OTUD4: variants seen among roughly 807,000 people sequenced by gnomAD.
OTUD4 encodes the protein OTU domain-containing protein 4.
A neutral mutation model predicts 130.4 loss-of-function variants in OTUD4; 24 were observed. The observed-to-expected ratio is 0.18, with a 90% CI of 0.13 to 0.26. The LOEUF (loss-of-function observed/expected upper bound fraction) is 0.26. Ranked by LOEUF, OTUD4 falls within the 10% of genes least tolerant of loss-of-function variation. OTUD4 has a pLI of 1.00. For missense variants in OTUD4, 1,031 were observed against 1,329.4 expected, an observed-to-expected ratio of 0.78 and a Z score of 3.49; for synonymous variants, 420 against 472.5, an observed-to-expected ratio of 0.89 and a Z score of 1.44.
intron 13 of OTUD4, 117 bp from the exon 14 acceptor site, chr4:145,146,546 G>C: frequency 1.7e-6 from 1 of 591,880 alleles, no homozygotes; most frequent in Non-Finnish European, 2.6e-6. Context: ...AAAATAAAAT[G>C]ATCTATTTTG....
rs780940354 is a variant in OTUD4, at chr4:145,146,371, A to C, written c.1318T>G (p.Phe440Val). 1.3e-6 allele frequency: 2 copies of C among 1,592,300 alleles called. No homozygotes were observed. The highest frequency in any genetic ancestry group is 2.3e-5 in the South Asian group (2 of 86,664). The change falls in exon 14 of 21, where the codon TTC (phenylalanine) becomes GTC (valine). Residue 440 changes from phenylalanine (F) to valine (V), a missense_variant. Transcript: ENST00000447906. Reference protein sequence around the residue: ...FDHTSRESNYFGLSPEERREK... With the variant: ...FDHTSRESNYVGLSPEERREK... ...CTGCGCTCTTCTGGGGAAAGGCCGA[A>C]ATAGTTAGATTCTCGACTTGTGTGA...
At chr4:145,143,854 C>T (rs9991890) in intron 16 of OTUD4, 92 bp downstream of exon 16, 933,922 of 936,980 alleles carry the variant, frequency 1, 465,492 homozygotes, top group East Asian at 1. Flanking sequence ...TATAAAATTT[C>T]GAAATTATTT....
intron 6 of OTUD4, among the ~76,000 whole-genome samples, chr4:145,160,986 T>C (rs921702137): frequency 3.3e-5 from 5 of 152,062 alleles, no homozygotes; most frequent in Non-Finnish European, 7.4e-5. Context: ...GGCGGGCATC[T>C]GTAATCCAAG....
intron 7 of OTUD4, chr4:145,159,231 T>C (rs1429005690): frequency 9.7e-6 from 12 of 1,231,420 alleles, no homozygotes; most frequent in Middle Eastern, 3.4e-4. Context: ...CACATATAGG[T>C]AGGACCAAAT....
rs1446533111 is a variant in OTUD4, at chr4:145,134,589, C to G, written c.*2841G>C. ...ACAGTCTGCATTAAATAAGATATATCAGCATTGTGGTCTGGGAAAACCTAT... is the reference window on the plus strand; with the variant it reads ...ACAGTCTGCATTAAATAAGATATATGAGCATTGTGGTCTGGGAAAACCTAT... On this transcript the variant is annotated 3_prime_UTR_variant, in exon 21 of 21. Transcript: ENST00000447906. 2 of 397,438 alleles carry G rather than the reference C, an allele frequency of 5.0e-6. No individual in the cohort carries two copies. The highest frequency in any genetic ancestry group is 4.1e-5 in the African/African-American group (2 of 48,576). 24.6% of individuals were successfully genotyped at this position (397,438 alleles called of 1,614,324 possible). A position where few individuals can be genotyped will look rare whatever the true frequency, so the allele number is the denominator to read the frequency against.
intron 19 of OTUD4, among the ~76,000 whole-genome samples, 186 bp downstream of exon 19, chr4:145,141,193 T>G (rs1219043066): frequency 6.7e-6 from 1 of 149,638 alleles, no homozygotes; most frequent in Non-Finnish European, 1.5e-5. Flanking sequence ...AAAAAAATTA[T>G]AATACATTTT....
At position 145,180,007 on chromosome 4, in the gene OTUD4, G is replaced by A; in HGVS notation, c.-34C>T. The stretch of plus-strand genomic sequence containing the variant: ...TCCTGCTGCAGGCCAGGCGCGGCGA[G>A]GGCTAGCCCCACATGGCCAGGCCGC... On this transcript the variant is annotated 5_prime_UTR_variant, in exon 1 of 21. Coordinates refer to ENST00000447906, the MANE Select transcript of OTUD4 (RefSeq NM_001366057.1). The A allele has an allele frequency of 1.4e-6, 2 of 1,411,812 alleles. No homozygotes were observed. The highest frequency in any genetic ancestry group is 1.8e-6 in the Non-Finnish European group (2 of 1,095,376). 87.5% of individuals were successfully genotyped at this position (1,411,812 alleles called of 1,614,324 possible). A position where few individuals can be genotyped will look rare whatever the true frequency, so the allele number is the denominator to read the frequency against.
In OTUD4 at chr4:145,138,113, C is replaced by G; in HGVS notation, c.2662G>C (p.Gly888Arg). 2 of 1,614,004 alleles carry G rather than the reference C, an allele frequency of 1.2e-6. No individual in the cohort carries two copies. The highest frequency in any genetic ancestry group is 2.2e-5 in the South Asian group (2 of 91,080). Residue 888 changes from glycine to arginine, a missense_variant, in exon 21 of 21, where the codon GGA becomes CGA. By Grantham distance (125) the Gly-to-Arg change is moderately radical. Transcript: ENST00000447906. ...TTTTCCAGAGACAGATCCAATTCTC[C>G]TTTTTCATCAGAGGGCAGGACAATA... is the stretch of plus-strand genomic sequence containing the variant. ...QNIVLPSDEK[G>R]ELDLSLENLD...
chr4:145,163,733 G>C (rs1388654047), intron 5 of OTUD4, among the ~76,000 whole-genome samples: 1 of 147,112 alleles, frequency 6.8e-6, no homozygotes, highest in East Asian at 2.0e-4. Flanking sequence ...TAAGACGGAG[G>C]TTCACTCTTG....
At position 145,135,087 on chromosome 4, in the gene OTUD4, G is replaced by A. The variant is rs202186919; in HGVS notation, c.*2343C>T. 5 of 360,974 alleles carry A rather than the reference G, an allele frequency of 1.4e-5. No individual in the cohort carries two copies. The South Asian group carries it at 7.8e-4, about 56-fold the overall frequency. The allele number at this position is 360,974 out of a possible 1,614,324, so 22.4% of individuals were successfully genotyped here. A position where few individuals can be genotyped will look rare whatever the true frequency, so the allele number is the denominator to read the frequency against. On this transcript the variant is annotated 3_prime_UTR_variant, in exon 21 of 21. Transcript: ENST00000447906. ...TAATACATTTAAAAACAAACTTAAA[G>A]GAAAAAAAGCGAAACCAACCTTCAT...
intron 14 of OTUD4, 43 bp from the exon 15 acceptor site, chr4:145,144,477 C>T (rs751755272): frequency 4.4e-6 from 7 of 1,579,762 alleles, no homozygotes; most frequent in Non-Finnish European, 6.0e-6. Context: ...TAAAGATTTA[C>T]CCACAGATAC....
Position 145,137,394 on chromosome 4 carries a change from A to C in OTUD4, c.*36T>G, listed in dbSNP as rs199630537. On this transcript the variant is annotated 3_prime_UTR_variant, in exon 21 of 21. Transcript: ENST00000447906. ...TAAAGCCTTCAGAAACATTCCACCTAAGAGTTTCTGTTAGAAAATACTTCG... is the reference window on the plus strand; with the variant it reads ...TAAAGCCTTCAGAAACATTCCACCTCAGAGTTTCTGTTAGAAAATACTTCG... 1.4e-5 allele frequency: 21 copies of C among 1,531,732 alleles called. No homozygotes were observed. Among genetic ancestry groups the C allele is most frequent in the Non-Finnish European group, 4.4e-6 (5 of 1,125,134 alleles). The allele number at this position is 1,531,732 out of a possible 1,614,324, so 94.9% of individuals were successfully genotyped here.
chr4:145,148,329 G>A (rs1001124263), intron 13 of OTUD4, among the ~76,000 whole-genome samples: 4 of 152,178 alleles, frequency 2.6e-5, no homozygotes, highest in Middle Eastern at 6.8e-3. Flanking sequence ...GTAAGACCCC[G>A]TCTTTAATTA....
Position 145,136,798 on chromosome 4 carries a change from G to A in OTUD4, c.*632C>T, listed in dbSNP as rs567156801. 30 of 152,558 alleles carry A rather than the reference G, an allele frequency of 2.0e-4. No homozygotes were observed. The highest frequency in any genetic ancestry group is 7.2e-4 in the African/African-American group (30 of 41,520). The allele number at this position is 152,558 out of a possible 1,614,324, so 9.5% of individuals were successfully genotyped here. A position where few individuals can be genotyped will look rare whatever the true frequency, so the allele number is the denominator to read the frequency against. ...TATTAAAAGAACTATATACAACATT[G>A]CTAAGACACAGTTAATAGGCTGCCT... On this transcript the variant is annotated 3_prime_UTR_variant, in exon 21 of 21. Coordinates refer to ENST00000447906, the MANE Select transcript of OTUD4 (RefSeq NM_001366057.1).
chr4:145,173,388 T>C (rs1752270808), intron 2 of OTUD4, among the ~76,000 whole-genome samples: 2 of 151,542 alleles, frequency 1.3e-5, no homozygotes, highest in Admixed American at 6.6e-5. Flanking sequence ...AGCGAGACTC[T>C]GTCTCAAAAA....
At chr4:145,146,735 A>T (rs1229889830) in intron 13 of OTUD4, among the ~76,000 whole-genome samples, 1 of 152,232 alleles carries the variant, frequency 6.6e-6, no homozygotes, top group East Asian at 1.9e-4. Flanking sequence ...TTTCCAAATG[A>T]TACAAAAATG....
At chr4:145,140,768 T>C (rs1750518828) in intron 19 of OTUD4, among the ~76,000 whole-genome samples, 1 of 152,064 alleles carries the variant, frequency 6.6e-6, no homozygotes, top group Non-Finnish European at 1.5e-5. Flanking sequence ...ATTAGTGAAA[T>C]TATTATTGTA....
Position 145,146,334 on chromosome 4 carries a change from G to C in OTUD4, c.1355C>G (p.Ala452Gly). ...LSPEERREKQ[A>G]IEESRLLYEI... ...ATAGAGTAAACGGGATTCTTCTATA[G>C]CTTGCTTCTCTCTGCGCTCTTCTGG... The change falls in exon 14 of 21, where the codon GCT (alanine) becomes GGT (glycine). Residue 452 changes from alanine (A) to glycine (G), a missense_variant. Transcript: ENST00000447906. The C allele has an allele frequency of 6.3e-7, 1 of 1,597,432 alleles. No individual in the cohort carries two copies. Among genetic ancestry groups the C allele is most frequent in the Non-Finnish European group, 8.5e-7 (1 of 1,174,148 alleles).
intron 3 of OTUD4, among the ~76,000 whole-genome samples, chr4:145,170,329 T>C (rs1020405754): frequency 1.5e-4 from 23 of 152,212 alleles, no homozygotes; most frequent in Non-Finnish European, 3.4e-4. Context: ...AACTCCTTTC[T>C]CACCACTTCT....
Sources: gnomAD v4.1 joint callset for allele counts (sites outside exome capture counted in the v4.1 genomes callset) on GRCh38, gnomAD v4.1.1 for gene constraint, MANE v1.5 for transcripts, NCBI Gene and HGNC (gene_info 2026-07-23, HGNC 2026-07-21) for gene names.